The following ZNF787 variants were observed in gnomAD, a reference collection of about 807,000 sequenced individuals.
ZNF787 encodes zinc finger protein 787.
A neutral mutation model predicts 16.9 loss-of-function variants in ZNF787; 7 were observed. The ratio of observed to expected loss-of-function variants is 0.42; its 90% CI spans 0.24 to 0.78. The LOEUF is 0.78. ZNF787 is among the 30% of genes least tolerant of loss of function. The probability of loss-of-function intolerance (pLI) is 0.30; values close to 1 mark genes in which losing one functional copy is unlikely to be tolerated. For missense variants in ZNF787, 551 were observed against 589.3 expected, an observed-to-expected ratio of 0.94 and a Z score of 0.67; for synonymous variants, 345 against 270.9, an observed-to-expected ratio of 1.27 and a Z score of -2.69.
intron 2 of ZNF787, among the ~76,000 whole-genome samples, chr19:56,098,460 G>A (rs1252342353): frequency 1.3e-5 from 2 of 151,410 alleles, no homozygotes; most frequent in East Asian, 1.9e-4. Flanking sequence ...ACGGCCGCAG[G>A]GTGATTACGG....
At chr19:56,100,752 G>A (rs1203449446) in intron 2 of ZNF787, among the ~76,000 whole-genome samples, 3 of 138,036 alleles carry the variant, frequency 2.2e-5, no homozygotes, top group Admixed American at 7.8e-5. Flanking sequence ...CCCCACCTAC[G>A]ATGTCTGTCA....
Position 56,088,997 on chromosome 19 carries a change from G to C in ZNF787, c.175C>G (p.Arg59Gly), listed in dbSNP as rs1476428934. ...ATGTAGGGGGCGGGCGGCCGCGGCC[G>C]GGGAGGCGGGCCGGCTGGGGGCGCA... ...QSAPPAGPPP[R>G]PRPPAPYICN... Residue 59 changes from arginine to glycine, a missense_variant, in exon 3 of 3, where the codon CGG becomes GGG. Around this residue, in one of 4 missense-constraint regions of ZNF787, gnomAD observed 80 missense variants for 105.9 expected, o/e 0.76. Coordinates refer to ENST00000610935, the MANE Select transcript of ZNF787 (RefSeq NM_001002836.4). The surrounding 1 kb of genome is among the most constrained non-coding windows in gnomAD (Gnocchi z 8.6). 3 of 1,495,876 alleles carry C rather than the reference G, an allele frequency of 2.0e-6. No homozygotes were observed. The highest frequency in any genetic ancestry group is 2.7e-5 in the South Asian group (2 of 73,040). The allele number at this position is 1,495,876 out of a possible 1,614,324, so 92.7% of individuals were successfully genotyped here.
intron 2 of ZNF787, among the ~76,000 whole-genome samples, chr19:56,092,738 A>C (rs1599940820): frequency 6.6e-6 from 1 of 152,098 alleles, no homozygotes; most frequent in Middle Eastern, 3.4e-3. Flanking sequence ...CCCCACAGAC[A>C]CAGGGGATGA....
At chr19:56,107,119 A>C (rs1986354553) in intron 1 of ZNF787, among the ~76,000 whole-genome samples, 1 of 152,184 alleles carries the variant, frequency 6.6e-6, no homozygotes, top group Non-Finnish European at 1.5e-5. Flanking sequence ...GCACTGCTCT[A>C]AACGGCTGAC....
chr19:56,104,927 G>C (rs567138102), intron 1 of ZNF787, among the ~76,000 whole-genome samples: 1 of 152,180 alleles, frequency 6.6e-6, no homozygotes, highest in Non-Finnish European at 1.5e-5. Flanking sequence ...TCTGGAGTTC[G>C]AGACCAGCCT....
At chr19:56,102,647 T>TG in intron 2 of ZNF787, 2 of 478,768 alleles carry the variant, frequency 4.2e-6, no homozygotes, top group Non-Finnish European at 7.4e-6. Context: ...AAAGTCTGCG[T>TG]CAGCCTGCGG....
intron 1 of ZNF787, among the ~76,000 whole-genome samples, chr19:56,114,796 T>A (rs990526128): frequency 7.2e-5 from 11 of 151,962 alleles, no homozygotes; most frequent in Non-Finnish European, 1.2e-4. Context: ...CAGCACCTGC[T>A]GCCCTGGTAC....
chr19:56,113,949 C>A (rs2030056464), intron 1 of ZNF787, among the ~76,000 whole-genome samples: 2 of 152,178 alleles, frequency 1.3e-5, no homozygotes, highest in Middle Eastern at 3.2e-3. Context: ...CCTGCCTCTG[C>A]CTCCCGAGTA....
At position 56,102,773 on chromosome 19, in the gene ZNF787, C is replaced by G. The variant is rs1034465713; in HGVS notation, c.79+366G>C. 2.3e-5 allele frequency: 14 copies of G among 616,790 alleles called. No individual in the cohort carries two copies. In the East Asian group the frequency reaches 3.3e-4, roughly 15 times the overall value. 38.2% of individuals were successfully genotyped at this position (616,790 alleles called of 1,614,324 possible). On this transcript the variant is annotated intron_variant, in intron 2 of 2. Coordinates refer to ENST00000610935, the MANE Select transcript of ZNF787 (RefSeq NM_001002836.4). The stretch of plus-strand genomic sequence containing the variant: ...CTGCCAGGGAGGGCCACAGGCCCGC[C>G]TGGAATCATAGCAGAGGGTCCAGGA...
At position 56,091,498 on chromosome 19, in the gene ZNF787, G is replaced by C. The variant is rs577366918; in HGVS notation, c.80-2406C>G. Among the ~76,000 whole-genome samples, 49 of 152,288 alleles carry C rather than the reference G, an allele frequency of 3.2e-4. No individual in the cohort carries two copies. The South Asian group carries it at 7.3e-3, about 23-fold the overall frequency. ...GGAGCCATGTCCTCACCTCCCATTA[G>C]ATTTGCAACTATCAAAGCAATTTCA... On this transcript the variant is annotated intron_variant, in intron 2 of 2. Transcript: ENST00000610935.
chr19:56,115,354 C>CTTTTTTT lies in ZNF787; in HGVS notation c.-11+5811_-11+5817dup, dbSNP rs543989293. ...CGGCCGCGGCACGTTGATTTCGCTG[C>CTTTTTTT]TTTTTTTTTTTTTTTTTTTTTTGAG... On this transcript the variant is annotated intron_variant, in intron 1 of 2. Transcript: ENST00000610935. 1.2e-4 allele frequency among the ~76,000 whole-genome samples: 14 copies of CTTTTTTT among 113,184 alleles called. No homozygotes were observed. In the South Asian group the frequency reaches 3.4e-3, roughly 27 times the overall value. The allele number at this position is 113,184 out of a possible 152,430, so 74.3% of individuals were successfully genotyped here.
chr19:56,102,103 AG>A (rs1281505959), intron 2 of ZNF787: 5 of 152,360 alleles, frequency 3.3e-5, no homozygotes, highest in Admixed American at 2.6e-4. Context: ...AAAGGGGCTG[AG>A]GTGCTTTACA....
At chr19:56,112,696 C>T (rs2030015596) in intron 1 of ZNF787, among the ~76,000 whole-genome samples, 1 of 151,874 alleles carries the variant, frequency 6.6e-6, no homozygotes, top group African/African-American at 2.4e-5. Context: ...GGAGCAGCCA[C>T]CTCCCTTCCT....
chr19:56,088,349 G>A lies in ZNF787; in HGVS notation c.823C>T (p.Pro275Ser), dbSNP rs866562857. Residue 275 changes from proline to serine, a missense_variant, in exon 3 of 3, where the codon CCG (proline) becomes TCG (serine). Pro to Ser is a moderately conservative substitution (Grantham distance 74). Transcript: ENST00000610935. This position sits in a 1 kb window ranked among gnomAD's most constrained non-coding sequence, Gnocchi z 8.6. The part of the protein sequence containing the change: ...KAAGPRSRRA[P>S]APKPYVCLEC... Reference sequence around the variant, plus strand: ...AGACACACGTACGGCTTGGGGGCCGGGGCGCGCCGCGACCGGGGCCCCGCG... The same window carrying A: ...AGACACACGTACGGCTTGGGGGCCGAGGCGCGCCGCGACCGGGGCCCCGCG... 5 of 1,171,300 alleles carry A rather than the reference G, an allele frequency of 4.3e-6. No individual in the cohort carries two copies. Among genetic ancestry groups the A allele is most frequent in the Admixed American group, 9.5e-5 (2 of 20,960 alleles). 72.6% of individuals were successfully genotyped at this position (1,171,300 alleles called of 1,614,324 possible).
intron 2 of ZNF787, among the ~76,000 whole-genome samples, chr19:56,091,829 GCA>G: frequency 6.6e-6 from 1 of 152,314 alleles, no homozygotes; most frequent in African/African-American, 2.4e-5. Flanking sequence ...CGCTTCACAG[GCA>G]CAGACTGGTT....
At chr19:56,110,711 C>T (rs1030128056) in intron 1 of ZNF787, among the ~76,000 whole-genome samples, 4 of 152,234 alleles carry the variant, frequency 2.6e-5, no homozygotes, top group African/African-American at 9.6e-5. Flanking sequence ...AGAGCCTTCC[C>T]CTGGCCTCCA....
intron 2 of ZNF787, among the ~76,000 whole-genome samples, chr19:56,091,925 A>C (rs112413534): frequency 0.035 from 3,541 of 101,034 alleles, 57 homozygotes; most frequent in African/African-American, 0.13. Context: ...GCCGCAGCCG[A>C]AGCCGAAGCC....
Position 56,092,389 on chromosome 19 carries a change from G to A in ZNF787, c.80-3297C>T, listed in dbSNP as rs1279467049. Among the ~76,000 whole-genome samples the A allele has an allele frequency of 2.6e-5, 4 of 152,048 alleles. No individual in the cohort carries two copies. In the South Asian group the frequency reaches 6.2e-4, roughly 24 times the overall value. ...GTCCCGAGGGGATGGGCTGGGGGGC[G>A]GTCCTCCACTCCAGATCCCCTACGC... On this transcript the variant is annotated intron_variant, in intron 2 of 2. Coordinates refer to ENST00000610935, the MANE Select transcript of ZNF787 (RefSeq NM_001002836.4).
intron 2 of ZNF787, among the ~76,000 whole-genome samples, chr19:56,092,238 C>T (rs2123392711): frequency 6.6e-6 from 1 of 152,376 alleles, no homozygotes; most frequent in Non-Finnish European, 1.5e-5. Context: ...ATGGTGGCAG[C>T]AGTTACCCTT....
Sources: allele counts gnomAD v4.1 joint callset (sites outside exome capture counted in the v4.1 genomes callset), GRCh38; gene constraint gnomAD v4.1.1; regional missense constraint gnomAD v4.1.1; non-coding constraint Gnocchi (gnomAD v3.1); transcripts MANE v1.5; gene names NCBI Gene and HGNC (gene_info 2026-07-23, HGNC 2026-07-21).